The following E2F5 variants were observed in gnomAD, a reference collection of about 807,000 sequenced individuals.
E2F5 encodes E2F transcription factor 5, also known as transcription factor E2F5.
A neutral mutation model predicts 39.1 loss-of-function variants in E2F5; 23 were observed. The observed-to-expected ratio is 0.59, with a 90% CI of 0.42 to 0.83. The LOEUF (loss-of-function observed/expected upper bound fraction) is 0.83, where lower values mean the gene tolerates loss of function less well. Ranked by LOEUF, E2F5 falls within the 40% of genes least tolerant of loss-of-function variation. The pLI, the probability that E2F5 is intolerant of heterozygous loss-of-function variation, is 0.00. For synonymous variants in E2F5, 145 were observed against 157.8 expected (o/e 0.92, Z 0.61); for missense variants, 365 against 406.7 (o/e 0.90, Z 0.88).
At chr8:85,193,615 T>A (rs989053829) in intron 1 of E2F5, among the ~76,000 whole-genome samples, 3 of 152,328 alleles carry the variant, frequency 2.0e-5, no homozygotes, top group Admixed American at 2.0e-4. Flanking sequence ...ACAGTTCCCT[T>A]TTGCCTCCTC....
chr8:85,206,093 T>C, intron 3 of E2F5, 84 bp from the exon 4 acceptor site: 1 of 1,301,276 alleles, frequency 7.7e-7, no homozygotes, highest in South Asian at 1.2e-5. Flanking sequence ...GGTCATTTAG[T>C]TATTTTGACC....
intron 1 of E2F5, among the ~76,000 whole-genome samples, chr8:85,180,612 C>G (rs1812191144): frequency 8.5e-6 from 1 of 117,760 alleles, no homozygotes; most frequent in Non-Finnish European, 1.7e-5. Flanking sequence ...GAGTCTCGCT[C>G]TGTGGCCCAG....
chr8:85,186,856 TGTGTATATATAAG>T (rs1044008649), intron 1 of E2F5, among the ~76,000 whole-genome samples: 1 of 148,426 alleles, frequency 6.7e-6, no homozygotes, highest in East Asian at 2.0e-4. Flanking sequence ...ATATATATGG[TGTGTATATATAAG>T]GTGTATATAT....
At position 85,177,304 on chromosome 8, in the gene E2F5, C is replaced by A. The variant is rs895942071; in HGVS notation, c.-117C>A. 2 of 881,002 alleles carry A rather than the reference C, an allele frequency of 2.3e-6. No homozygotes were observed. The highest frequency in any genetic ancestry group is 2.7e-6 in the Non-Finnish European group (2 of 734,536). The allele number at this position is 881,002 out of a possible 1,614,324, so 54.6% of individuals were successfully genotyped here. ...TGTTTGCAGCAGCCAGCGACCCGCA[C>A]TACCGCTCTCGGCGGGCGGGGAAGC... On this transcript the variant is annotated 5_prime_UTR_variant, in exon 1 of 8. Coordinates refer to ENST00000416274, the MANE Select transcript of E2F5 (RefSeq NM_001951.4).
At chr8:85,194,658 C>A (rs1323984060) in intron 1 of E2F5, among the ~76,000 whole-genome samples, 2 of 150,712 alleles carry the variant, frequency 1.3e-5, no homozygotes, top group African/African-American at 4.9e-5. Flanking sequence ...CCTCAGCCTC[C>A]CAAGTAGCTG....
intron 1 of E2F5, among the ~76,000 whole-genome samples, chr8:85,186,826 G>T (rs1004820063): frequency 1.4e-5 from 2 of 144,900 alleles, no homozygotes; most frequent in African/African-American, 5.1e-5. Flanking sequence ...GTATATATAT[G>T]GTATATATAT....
rs181666599 is a variant in E2F5, at chr8:85,193,645, A to C, written c.235-8502A>C. Among the ~76,000 whole-genome samples the C allele has an allele frequency of 2.5e-3, 387 of 152,284 alleles. 2 individuals carry two copies. Among genetic ancestry groups the C allele is most frequent in the Non-Finnish European group, 4.6e-3 (310 of 68,012 alleles). ...CTCCTCCCAGTCAGCCCTCAACTTC[A>C]TCCTCAATCCCAAGCAATCATTGCT... is the stretch of plus-strand genomic sequence containing the variant. On this transcript the variant is annotated intron_variant, in intron 1 of 7. Coordinates refer to ENST00000416274, the MANE Select transcript of E2F5 (RefSeq NM_001951.4).
At chr8:85,197,288 A>G (rs889604009) in intron 1 of E2F5, among the ~76,000 whole-genome samples, 3 of 152,326 alleles carry the variant, frequency 2.0e-5, no homozygotes, top group Middle Eastern at 3.4e-3. Context: ...ATACAACATC[A>G]TGGTCCATCA....
intron 1 of E2F5, among the ~76,000 whole-genome samples, chr8:85,190,722 T>C (rs1476716583): frequency 6.6e-6 from 1 of 152,034 alleles, no homozygotes; most frequent in Non-Finnish European, 1.5e-5. Context: ...CAGGCTGGTC[T>C]CGAACTCCTG....
At chr8:85,180,625 G>A (rs1300985632) in intron 1 of E2F5, among the ~76,000 whole-genome samples, 2 of 129,740 alleles carry the variant, frequency 1.5e-5, no homozygotes, top group African/African-American at 5.8e-5. Context: ...TGGCCCAGGC[G>A]GGAGTGCAGT....
intron 1 of E2F5, among the ~76,000 whole-genome samples, chr8:85,182,154 TTCCAGTGAG>T (rs1179249491): frequency 1.4e-4 from 22 of 152,368 alleles, no homozygotes; most frequent in African/African-American, 5.0e-4. Context: ...TATTTCTTTA[TTCCAGTGAG>T]ATAAGAAATT....
rs1441784533 is a variant in E2F5, at chr8:85,177,367, G to A, written c.-54G>A. The A allele has an allele frequency of 1.1e-5, 11 of 985,488 alleles. No homozygotes were observed. The highest frequency in any genetic ancestry group is 1.8e-5 in the African/African-American group (1 of 57,090). The allele number at this position is 985,488 out of a possible 1,614,324, so 61.0% of individuals were successfully genotyped here. ...GCCGACCCGGCAGGTGGCCGCGGGC[G>A]GGGCCGGCGAGCGAAAGTGCGCGGG... is the stretch of plus-strand genomic sequence containing the variant. On this transcript the variant is annotated 5_prime_UTR_variant, in exon 1 of 8. Coordinates refer to ENST00000416274, the MANE Select transcript of E2F5 (RefSeq NM_001951.4).
chr8:85,214,469 G>C lies in E2F5; in HGVS notation c.*607G>C. The C allele has an allele frequency of 1.1e-6, 1 of 870,598 alleles. No homozygotes were observed. The highest frequency in any genetic ancestry group is 2.5e-5 in the East Asian group (1 of 40,602). The allele number at this position is 870,598 out of a possible 1,614,324, so 53.9% of individuals were successfully genotyped here. Reference sequence around the variant, plus strand: ...TAGTTTGTTTTTAAAATGTGCCAATGCCTGTACATTAACAAGATTTTTAAA... The same window carrying C: ...TAGTTTGTTTTTAAAATGTGCCAATCCCTGTACATTAACAAGATTTTTAAA... On this transcript the variant is annotated 3_prime_UTR_variant, in exon 8 of 8. Transcript: ENST00000416274.
chr8:85,213,649 C>A, intron 7 of E2F5, 104 bp from the exon 8 acceptor site: 2 of 550,410 alleles, frequency 3.6e-6, no homozygotes, highest in East Asian at 3.1e-5. Context: ...ATACACATTA[C>A]ACAAGACTTT....
intron 1 of E2F5, among the ~76,000 whole-genome samples, chr8:85,183,508 C>T (rs769140961): frequency 6.6e-6 from 1 of 152,050 alleles, no homozygotes; most frequent in African/African-American, 2.4e-5. Flanking sequence ...TCCTAATGTC[C>T]GTCAATAGAT....
intron 5 of E2F5, 29 bp downstream of exon 5, chr8:85,207,518 G>A (rs1481012534): frequency 6.6e-7 from 1 of 1,523,082 alleles, no homozygotes; most frequent in East Asian, 2.5e-5. Flanking sequence ...GTTTATATAA[G>A]TGGGAAAAAT....
At position 85,214,309 on chromosome 8, in the gene E2F5, A is replaced by G. The variant is rs1199294240; in HGVS notation, c.*447A>G. 1 of 588,982 alleles carries G rather than the reference A, an allele frequency of 1.7e-6. No individual in the cohort carries two copies. The highest frequency in any genetic ancestry group is 1.7e-5 in the South Asian group (1 of 58,148). 36.5% of individuals were successfully genotyped at this position (588,982 alleles called of 1,614,324 possible). A position where few individuals can be genotyped will look rare whatever the true frequency, so the allele number is the denominator to read the frequency against. On this transcript the variant is annotated 3_prime_UTR_variant, in exon 8 of 8. Coordinates refer to ENST00000416274, the MANE Select transcript of E2F5 (RefSeq NM_001951.4). ...TTCACTGCCACTTGTAAAGTGAAGG[A>G]TGTAAACGAGGATATATAACTGTTT...
At chr8:85,209,082 T>C in intron 5 of E2F5, 60 bp from the exon 6 acceptor site, 1 of 1,551,524 alleles carries the variant, frequency 6.4e-7, no homozygotes. Flanking sequence ...TATTGTACTG[T>C]CTTAAGTTAG....
At chr8:85,197,709 C>T (rs1812610842) in intron 1 of E2F5, among the ~76,000 whole-genome samples, 1 of 151,968 alleles carries the variant, frequency 6.6e-6, no homozygotes, top group South Asian at 2.1e-4. Context: ...TAGGTAAAAT[C>T]CTATGAGAGT....
Sources: allele counts gnomAD v4.1 joint callset (sites outside exome capture counted in the v4.1 genomes callset), GRCh38; gene constraint gnomAD v4.1.1; transcripts MANE v1.5; gene names NCBI Gene and HGNC (gene_info 2026-07-23, HGNC 2026-07-21).